Variants in CTSC observed in about 807,000 individuals in gnomAD.
The protein encoded by CTSC is cathepsin C.
In CTSC, 37 loss-of-function variants were observed where a neutral mutation model predicts 40.9. The observed-to-expected ratio is 0.91, with a 90% CI of 0.70 to 1.19. The LOEUF is 1.19. CTSC is among the 50% of genes most tolerant of loss of function. The pLI, the probability that CTSC is intolerant of heterozygous loss-of-function variation, is 0.00. For missense variants in CTSC, 594 were observed against 567.3 expected (o/e 1.05, Z -0.48); for synonymous variants, 232 against 207.4 (o/e 1.12, Z -1.02).
Position 88,294,078 on chromosome 11 carries a change from C to G in CTSC, c.1320G>C (p.Arg440=), listed in dbSNP as rs756787034. The G allele has an allele frequency of 1.2e-6, 2 of 1,613,996 alleles. No homozygotes were observed. The highest frequency in any genetic ancestry group is 2.2e-5 in the South Asian group (2 of 91,072). ...CACACTCATCAGTTCCTCTGCGGAT[C>G]CGGAAGTAGCCATTCTCACCCCAGC... ...GTGWGENGYF[R]IRRGTDECAI... is the part of the protein sequence containing the mutation. The change falls in exon 7 of 7, where the codon CGG becomes CGC. Residue 440 remains arginine, a synonymous_variant. Coordinates refer to ENST00000227266, the MANE Select transcript of CTSC (RefSeq NM_001814.6).
chr11:88,307,409 A>G (rs547382945), intron 4 of CTSC, among the ~76,000 whole-genome samples: 2 of 151,748 alleles, frequency 1.3e-5, no homozygotes, highest in African/African-American at 4.8e-5. Context: ...CAGAAAAATA[A>G]TTTTTTTTTA....
intron 4 of CTSC, among the ~76,000 whole-genome samples, chr11:88,301,098 A>T (rs1591222773): frequency 6.6e-6 from 1 of 152,220 alleles, no homozygotes; most frequent in East Asian, 1.9e-4. Flanking sequence ...TGGCAAAGGG[A>T]AAAAAGGGTC....
intron 2 of CTSC, among the ~76,000 whole-genome samples, chr11:88,313,495 T>C (rs1937812509): frequency 6.6e-6 from 1 of 152,196 alleles, no homozygotes; most frequent in South Asian, 2.1e-4. Context: ...CTTATTTCAG[T>C]GTTAGAACTG....
chr11:88,304,306 G>A (rs1937609995), intron 4 of CTSC, among the ~76,000 whole-genome samples: 2 of 152,064 alleles, frequency 1.3e-5, no homozygotes, highest in Non-Finnish European at 2.9e-5. Flanking sequence ...GTTTTTCTCT[G>A]ATAAGTCCTT....
At chr11:88,324,759 A>G (rs1938133149) in intron 2 of CTSC, 1 of 985,372 alleles carries the variant, frequency 1.0e-6, no homozygotes, top group Non-Finnish European at 1.2e-6. Flanking sequence ...ACGGTAATAG[A>G]GAGAGCTGGG....
chr11:88,326,396 A>C (rs746463301), intron 2 of CTSC: 10 of 1,614,078 alleles, frequency 6.2e-6, no homozygotes, highest in Non-Finnish European at 7.6e-6. Flanking sequence ...ACGTCTGTTC[A>C]TGGCTGTGGT....
rs553576324 is a variant in CTSC at position 88,305,607 on chromosome 11, G to A, written c.641+3556C>T. ...CCTATATCTCAAGTTAAGAATCTTTGAGAGTTTCTATTACGTCATTGGATT... is the reference window on the plus strand; with the variant it reads ...CCTATATCTCAAGTTAAGAATCTTTAAGAGTTTCTATTACGTCATTGGATT... On this transcript the variant is annotated intron_variant, in intron 4 of 6. Coordinates refer to ENST00000227266, the MANE Select transcript of CTSC (RefSeq NM_001814.6). 3.8e-4 allele frequency among the ~76,000 whole-genome samples: 58 copies of A among 152,294 alleles called. No individual in the cohort carries two copies. In the Middle Eastern group the frequency reaches 0.01, roughly 27 times the overall value.
chr11:88,336,964 A>G (rs1354150340), intron 1 of CTSC, among the ~76,000 whole-genome samples: 1 of 152,178 alleles, frequency 6.6e-6, no homozygotes, highest in Admixed American at 6.5e-5. Context: ...CCTCCTTGCA[A>G]TGCATGAAAC....
rs200799436 is a variant in CTSC at position 88,300,506 on chromosome 11, A to G, written c.757+24T>C. On this transcript the variant is annotated intron_variant, in intron 5 of 6. Transcript: ENST00000227266. ...ATAAATAGTTCCAAACAAATTAACAAAAAACTTAGGCTTATTTTTTTACCT... is the reference window on the plus strand; with the variant it reads ...ATAAATAGTTCCAAACAAATTAACAGAAAACTTAGGCTTATTTTTTTACCT... 1.3e-3 allele frequency: 1,865 copies of G among 1,441,186 alleles called. 2 individuals carry two copies. The highest frequency in any genetic ancestry group is 1.6e-3 in the Non-Finnish European group (1,651 of 1,022,296). 89.3% of individuals were successfully genotyped at this position (1,441,186 alleles called of 1,614,324 possible). A position where few individuals can be genotyped will look rare whatever the true frequency, so the allele number is the denominator to read the frequency against.
At chr11:88,319,364 T>C (rs1937947079) in intron 2 of CTSC, among the ~76,000 whole-genome samples, 1 of 152,120 alleles carries the variant, frequency 6.6e-6, no homozygotes, top group Non-Finnish European at 1.5e-5. Flanking sequence ...TCAGTTAAAA[T>C]TTGTCTATTA....
intron 5 of CTSC, chr11:88,299,530 G>T (rs1015364668): frequency 1.3e-5 from 2 of 152,184 alleles, no homozygotes; most frequent in African/African-American, 4.8e-5. Flanking sequence ...AGACCCACTT[G>T]GGGCTCTCAA....
intron 2 of CTSC, among the ~76,000 whole-genome samples, chr11:88,331,162 T>A (rs1354231445): frequency 6.6e-6 from 1 of 152,150 alleles, no homozygotes; most frequent in African/African-American, 2.4e-5. Context: ...AAGCAAGCAA[T>A]CAATTCTGCA....
rs1419234358 is a variant in CTSC, at chr11:88,304,336, T to C, written c.642-3691A>G. Among the ~76,000 whole-genome samples, 5 of 152,326 alleles carry C rather than the reference T, an allele frequency of 3.3e-5. No homozygotes were observed. The East Asian group carries it at 7.7e-4, about 23-fold the overall frequency. On this transcript the variant is annotated intron_variant, in intron 4 of 6. Coordinates refer to ENST00000227266, the MANE Select transcript of CTSC (RefSeq NM_001814.6). ...GTCCTTAATAAAATGGCAGCTGTTATGAAGATAACATTCATATCATTAACA... is the reference window on the plus strand; with the variant it reads ...GTCCTTAATAAAATGGCAGCTGTTACGAAGATAACATTCATATCATTAACA...
At chr11:88,309,102 G>A (rs113968416) in intron 4 of CTSC, 61 bp downstream of exon 4, 14,770 of 1,473,696 alleles carry the variant, frequency 0.01, 102 homozygotes, top group Non-Finnish European at 0.011. Context: ...GGACTGCTTA[G>A]GAGGGAGGAT....
intron 2 of CTSC, among the ~76,000 whole-genome samples, chr11:88,318,006 AT>A (rs1291593808): frequency 6.6e-6 from 1 of 152,180 alleles, no homozygotes; most frequent in Non-Finnish European, 1.5e-5. Flanking sequence ...CAGCTATCCA[AT>A]TAGATATACC....
At chr11:88,303,396 G>A (rs1591224409) in intron 4 of CTSC, among the ~76,000 whole-genome samples, 1 of 152,182 alleles carries the variant, frequency 6.6e-6, no homozygotes, top group Non-Finnish European at 1.5e-5. Context: ...CTGTGCTTCT[G>A]GCCAACCAGC....
chr11:88,309,176 G>T lies in CTSC; in HGVS notation c.628C>A (p.Arg210=). Reference sequence around the variant, plus strand: ...GTGCTTGATTACCTTGGGATTTTTCGACTGTGGCCACCACTTCTCCTAATC... The same window carrying T: ...GTGCTTGATTACCTTGGGATTTTTCTACTGTGGCCACCACTTCTCCTAATC... The part of the protein sequence containing the change: ...DMIRRSGGHS[R]KIPRPKPAPL... The change falls in exon 4 of 7, where the codon CGA becomes AGA. Residue 210 remains arginine (R), a synonymous_variant. Transcript: ENST00000227266. 1 of 1,613,686 alleles carries T rather than the reference G, an allele frequency of 6.2e-7. No homozygotes were observed. Among genetic ancestry groups the T allele is most frequent in the South Asian group, 1.1e-5 (1 of 91,044 alleles).
chr11:88,327,708 G>T (rs1446994024), intron 2 of CTSC, among the ~76,000 whole-genome samples: 1 of 152,144 alleles, frequency 6.6e-6, no homozygotes, highest in East Asian at 1.9e-4. Context: ...AGCTGCTGTG[G>T]CCTCACATGT....
Position 88,320,874 on chromosome 11 carries a change from G to A in CTSC, c.319-8320C>T, listed in dbSNP as rs546766818. The A allele has an allele frequency of 2.9e-4, 238 of 829,814 alleles. 1 individual carries two copies. Among genetic ancestry groups the A allele is most frequent in the Middle Eastern group, 2.5e-3 (4 of 1,618 alleles). 51.4% of individuals were successfully genotyped at this position (829,814 alleles called of 1,614,324 possible). On this transcript the variant is annotated intron_variant, in intron 2 of 6. Transcript: ENST00000227266. ...GAAGGCTTATTATTGGTCATATATC[G>A]TGTAATACATAGGGAATCAAATGGT...
Sources: gnomAD v4.1 joint callset for allele counts (sites outside exome capture counted in the v4.1 genomes callset) on GRCh38, gnomAD v4.1.1 for gene constraint, MANE v1.5 for transcripts, NCBI Gene and HGNC (gene_info 2026-07-23, HGNC 2026-07-21) for gene names.